MAST1: variants seen among roughly 807,000 people sequenced by gnomAD.
MAST1 encodes the protein microtubule associated serine/threonine kinase 1.
In MAST1, 40 loss-of-function variants were observed where a neutral mutation model predicts 124.6. The ratio of observed to expected loss-of-function variants is 0.32; its 90% confidence interval spans 0.25 to 0.42. The LOEUF (loss-of-function observed/expected upper bound fraction) is 0.42. Among genes scored for constraint, MAST1 ranks in the 10% least tolerant of loss-of-function variants. The pLI, the probability that MAST1 is intolerant of heterozygous loss-of-function variation, is 1.00. For missense variants in MAST1, 1,558 were observed against 2,181.9 expected, an observed-to-expected ratio of 0.71 and a Z score of 5.70; for synonymous variants, 938 against 939.4, an observed-to-expected ratio of 1.00 and a Z score of 0.03.
intron 7 of MAST1, 38 bp from the exon 8 acceptor site, chr19:12,851,896 T>G (rs112220783): frequency 7.9e-6 from 12 of 1,513,738 alleles, no homozygotes; most frequent in Non-Finnish European, 9.1e-6. Context: ...TGAGGCAGAG[T>G]GCCTATGAGC....
intron 10 of MAST1, among the ~76,000 whole-genome samples, chr19:12,854,305 T>G (rs1969996444): frequency 6.6e-6 from 1 of 152,100 alleles, no homozygotes; most frequent in Non-Finnish European, 1.5e-5. Flanking sequence ...GTATTTTTAG[T>G]AAAGACAGGG....
rs1305831505 is a variant in MAST1 at position 12,868,796 on chromosome 19, G to A, written c.2720G>A (p.Gly907Asp). ...GAGAAGAGGCCTTCTCGAACTGGGG[G>A]CAAAGTCATCAAATCAGCCTCAGCC... ...AVEKRPSRTG[G>D]KVIKSASATA... Residue 907 changes from glycine (G) to aspartate (D), a missense_variant, in exon 21 of 26, where the codon GGC becomes GAC. Physicochemically the swap from Gly to Asp is moderately conservative, Grantham distance 94. This residue lies in a region of MAST1 where 287 missense variants were observed against 308.0 expected (regional missense o/e 0.93). Coordinates refer to ENST00000251472, the MANE Select transcript of MAST1 (RefSeq NM_014975.3). 1 of 1,606,424 alleles carries A rather than the reference G, an allele frequency of 6.2e-7. No individual in the cohort carries two copies. Among genetic ancestry groups the A allele is most frequent in the Non-Finnish European group, 8.5e-7 (1 of 1,175,482 alleles).
rs1253804426 is a variant in MAST1, at chr19:12,843,601, C to T, written c.321C>T (p.Thr107=). Reference sequence around the variant, plus strand: ...ATGGCACCAACACGCCCAGTTCCACCGTCTCGGTGAGTGTGGAAAGTAGGT... The same window carrying T: ...ATGGCACCAACACGCCCAGTTCCACTGTCTCGGTGAGTGTGGAAAGTAGGT... The part of the protein sequence containing the change: ...SGYGTNTPSS[T]VSSSCSSQER... The change falls in exon 4 of 26, where the codon ACC becomes ACT. Residue 107 remains threonine (T), a synonymous_variant. Coordinates refer to ENST00000251472, the MANE Select transcript of MAST1 (RefSeq NM_014975.3). This position sits in a 1 kb window ranked among gnomAD's most constrained non-coding sequence, Gnocchi z 4.9. The T allele has an allele frequency of 7.4e-6, 12 of 1,613,006 alleles. No homozygotes were observed. Among genetic ancestry groups the T allele is most frequent in the East Asian group, 6.7e-5 (3 of 44,786 alleles).
chr19:12,858,300 A>T, intron 10 of MAST1, 62 bp from the exon 11 acceptor site: 1 of 1,412,612 alleles, frequency 7.1e-7, no homozygotes, highest in South Asian at 1.2e-5. Flanking sequence ...TGTAAAATGA[A>T]ATTAAAAGCA....
At chr19:12,856,661 C>G (rs889794188) in intron 10 of MAST1, among the ~76,000 whole-genome samples, 1 of 152,136 alleles carries the variant, frequency 6.6e-6, no homozygotes, top group African/African-American at 2.4e-5. Flanking sequence ...TGCATTTTTA[C>G]ACTTAATAAA....
chr19:12,860,598 C>T lies in MAST1; in HGVS notation c.1366+1859C>T, dbSNP rs189816327. ...TAGCTGGGATTACAGGTGTGTGCCACCACACCTGGCTAATTTTTTGTATTT... is the reference window on the plus strand; with the variant it reads ...TAGCTGGGATTACAGGTGTGTGCCATCACACCTGGCTAATTTTTTGTATTT... On this transcript the variant is annotated intron_variant, in intron 12 of 25. Coordinates refer to ENST00000251472, the MANE Select transcript of MAST1 (RefSeq NM_014975.3). Among the ~76,000 whole-genome samples, 532 of 151,560 alleles carry T rather than the reference C, an allele frequency of 3.5e-3. 3 individuals are homozygous for T. Among genetic ancestry groups the T allele is most frequent in the African/African-American group, 0.012 (510 of 41,312 alleles).
rs1969968927 is a variant in MAST1, at chr19:12,852,176, G to A, written c.938G>A (p.Gly313Asp). The A allele has an allele frequency of 6.2e-7, 1 of 1,614,036 alleles. No homozygotes were observed. The highest frequency in any genetic ancestry group is 8.5e-7 in the Non-Finnish European group (1 of 1,180,014). ...GCGGCCGAAGGACACGCCAAGGAGG[G>A]CCACCTTGTGAAGACGGACATCCCC... ...LEAAEGHAKEGHLVKTDIPRY... is the reference protein window; with the variant it reads ...LEAAEGHAKEDHLVKTDIPRY... Residue 313 changes from glycine to aspartate, a missense_variant, in exon 9 of 26, where the codon GGC becomes GAC. This residue lies in a region of MAST1 where 136 missense variants were observed against 160.9 expected (regional missense o/e 0.85). Transcript: ENST00000251472.
In MAST1 at chr19:12,867,546, C is replaced by T; in HGVS notation, c.2212C>T (p.Arg738Trp). Residue 738 changes from arginine to tryptophan, a missense_variant, in exon 19 of 26, where the codon CGG (arginine) becomes TGG (tryptophan). By Grantham distance (101) the Arg-to-Trp change is moderately radical. Coordinates refer to ENST00000251472, the MANE Select transcript of MAST1 (RefSeq NM_014975.3). ...AGTAGCAGCTGCAGGGAGCAGCAAG[C>T]GGGAGCCGAGCACCAAGGGCCCCGA... is the stretch of plus-strand genomic sequence containing the variant. ...TPVAAAGSSK[R>W]EPSTKGPEEK... 2 of 1,613,676 alleles carry T rather than the reference C, an allele frequency of 1.2e-6. No individual in the cohort carries two copies. The highest frequency in any genetic ancestry group is 2.2e-5 in the South Asian group (2 of 91,082).
chr19:12,847,909 T>G lies in MAST1; in HGVS notation c.626T>G (p.Val209Gly), dbSNP rs779302891. 38 of 1,613,824 alleles carry G rather than the reference T, an allele frequency of 2.4e-5. No homozygotes were observed. Among genetic ancestry groups the G allele is most frequent in the Non-Finnish European group, 3.1e-5 (36 of 1,179,932 alleles). Residue 209 changes from valine to glycine, a missense_variant, in exon 7 of 26, where the codon GTT (valine) becomes GGT (glycine). Transcript: ENST00000251472. This position sits in a 1 kb window ranked among gnomAD's most constrained non-coding sequence, Gnocchi z 5.5. ...ACCCGCGCCTACGAACCCGACAGCG[T>G]TCTGCCTCTGGCCGATGGCGTGCTC... is the stretch of plus-strand genomic sequence containing the variant. Reference protein sequence around the residue: ...DFTRAYEPDSVLPLADGVLSF... With the variant: ...DFTRAYEPDSGLPLADGVLSF...
At position 12,868,776 on chromosome 19, in the gene MAST1, G is replaced by A; in HGVS notation, c.2700G>A (p.Lys900=). The part of the protein sequence containing the change: ...QQMSGDVAVE[K]RPSRTGGKVI... ...TGTCAGGGGATGTGGCAGTAGAGAA[G>A]AGGCCTTCTCGAACTGGGGGCAAAG... Residue 900 remains lysine (K), a synonymous_variant, in exon 21 of 26, where the codon AAG becomes AAA. Transcript: ENST00000251472. 1.2e-6 allele frequency: 2 copies of A among 1,610,938 alleles called. No homozygotes were observed. Among genetic ancestry groups the A allele is most frequent in the South Asian group, 2.2e-5 (2 of 90,652 alleles).
intron 7 of MAST1, 29 bp from the exon 8 acceptor site, chr19:12,851,905 G>A (rs1415123041): frequency 1.9e-6 from 3 of 1,575,286 alleles, no homozygotes; most frequent in Admixed American, 1.7e-5. Context: ...GTGCCTATGA[G>A]CCCTGTCCCT....
intron 4 of MAST1, among the ~76,000 whole-genome samples, chr19:12,845,970 A>G (rs1036764183): frequency 6.6e-6 from 1 of 150,998 alleles, no homozygotes; most frequent in Admixed American, 6.6e-5. Context: ...TCAGTCCCAG[A>G]ACTTTGAGAG....
In MAST1 at chr19:12,867,629, C is replaced by T. The variant is rs750606165; in HGVS notation, c.2295C>T (p.Thr765=). 1.2e-6 allele frequency: 2 copies of T among 1,606,708 alleles called. No individual in the cohort carries two copies. Among genetic ancestry groups the T allele is most frequent in the Non-Finnish European group, 1.7e-6 (2 of 1,176,772 alleles). The change falls in exon 19 of 26, where the codon ACC becomes ACT. Residue 765 remains threonine, a synonymous_variant. Transcript: ENST00000251472. The part of the protein sequence containing the change: ...GLGGLTLREK[T]WRGGSPEIKR... The stretch of plus-strand genomic sequence containing the variant: ...GCGGCCTGACCCTGCGTGAGAAGAC[C>T]TGGAGAGGGGGCTCTCCGGAGATGT...
At chr19:12,859,254 A>G (rs1047929148) in intron 12 of MAST1, among the ~76,000 whole-genome samples, 1 of 151,718 alleles carries the variant, frequency 6.6e-6, no homozygotes, top group African/African-American at 2.4e-5. Flanking sequence ...TAATTTTTCT[A>G]TTTTTAGCAG....
chr19:12,838,691 T>C lies in MAST1; in HGVS notation c.83+36T>C. ...GATCCCCTAGACATTGTCCCGGCCCTCCCCGCAAAAGCCGCCGCTCCGGGT... is the reference window on the plus strand; with the variant it reads ...GATCCCCTAGACATTGTCCCGGCCCCCCCCGCAAAAGCCGCCGCTCCGGGT... On this transcript the variant is annotated intron_variant, in intron 1 of 25. Transcript: ENST00000251472. This position sits in a 1 kb window ranked among gnomAD's most constrained non-coding sequence, Gnocchi z 4.3. The C allele has an allele frequency of 6.3e-7, 1 of 1,588,680 alleles. No individual in the cohort carries two copies. The highest frequency in any genetic ancestry group is 8.6e-7 in the Non-Finnish European group (1 of 1,163,928).
rs754645581 is a variant in MAST1 at position 12,838,696 on chromosome 19, G to T, written c.83+41G>T. 2 of 1,573,944 alleles carry T rather than the reference G, an allele frequency of 1.3e-6. No homozygotes were observed. Among genetic ancestry groups the T allele is most frequent in the Admixed American group, 1.7e-5 (1 of 58,818 alleles). On this transcript the variant is annotated intron_variant, in intron 1 of 25. Transcript: ENST00000251472. This position sits in a 1 kb window ranked among gnomAD's most constrained non-coding sequence, Gnocchi z 4.3. ...CCTAGACATTGTCCCGGCCCTCCCC[G>T]CAAAAGCCGCCGCTCCGGGTACTGC...
intron 12 of MAST1, among the ~76,000 whole-genome samples, chr19:12,863,554 A>G (rs181178365): frequency 3.0e-4 from 45 of 152,192 alleles, no homozygotes; most frequent in Non-Finnish European, 1.3e-4. Context: ...TTGGCTCTGT[A>G]CTCCCACATG....
chr19:12,873,140 C>A, intron 24 of MAST1, 184 bp from the exon 25 acceptor site: 1 of 617,258 alleles, frequency 1.6e-6, no homozygotes, highest in Non-Finnish European at 2.8e-6. Context: ...TGGGTGGGGA[C>A]TGAAGTGGGA....
At chr19:12,858,829 T>C in intron 12 of MAST1, 90 bp downstream of exon 12, 2 of 1,253,970 alleles carry the variant, frequency 1.6e-6, no homozygotes, top group Non-Finnish European at 2.3e-6. Context: ...AGTCTCCATA[T>C]TGATTAGTCG....
Sources: allele counts gnomAD v4.1 joint callset (sites outside exome capture counted in the v4.1 genomes callset), GRCh38; gene constraint gnomAD v4.1.1; regional missense constraint gnomAD v4.1.1; non-coding constraint Gnocchi (gnomAD v3.1); transcripts MANE v1.5; gene names NCBI Gene and HGNC (gene_info 2026-07-23, HGNC 2026-07-21).